The following SLC24A2 variants were observed in gnomAD, a reference collection of about 807,000 sequenced individuals.
SLC24A2 encodes sodium/potassium/calcium exchanger 2.
SLC24A2 carries 36 observed loss-of-function variants against 62.0 expected under a neutral mutation model. The ratio of observed to expected loss-of-function variants is 0.58; its 90% CI spans 0.44 to 0.77. The LOEUF (loss-of-function observed/expected upper bound fraction) is 0.77, where lower values mean the gene tolerates loss of function less well. SLC24A2 is among the 30% of genes least tolerant of loss of function. The pLI, the probability that SLC24A2 is intolerant of heterozygous loss-of-function variation, is 0.00. For missense variants in SLC24A2, 846 were observed against 817.9 expected (o/e 1.03, Z -0.42); for synonymous variants, 358 against 294.0 (o/e 1.22, Z -2.23).
chr9:20,196,053 G>C, the SLC24A2 span, among the ~76,000 whole-genome samples: 1 of 152,054 alleles, frequency 6.6e-6, no homozygotes. Context: ...AATATAATTT[G>C]ATATAAACGT....
intron 2 of SLC24A2, among the ~76,000 whole-genome samples, chr9:19,641,397 C>T (rs377206660): frequency 6.6e-6 from 1 of 152,342 alleles, no homozygotes; most frequent in South Asian, 2.1e-4. Flanking sequence ...ATAAACTTAA[C>T]AAAACCAAAG....
At chr9:19,570,312 TTGG>T (rs1227121980) in intron 7 of SLC24A2, among the ~76,000 whole-genome samples, 1 of 152,230 alleles carries the variant, frequency 6.6e-6, no homozygotes, top group Non-Finnish European at 1.5e-5. Context: ...TGTTGTCATT[TTGG>T]TTATTTCTTC....
chr9:20,088,304 G>A, the SLC24A2 span, among the ~76,000 whole-genome samples: 2 of 152,246 alleles, frequency 1.3e-5, no homozygotes, highest in Admixed American at 6.5e-5. Flanking sequence ...GGAGCTCCCA[G>A]AGGGAGGGGC....
the SLC24A2 span, among the ~76,000 whole-genome samples, chr9:20,110,483 C>G: frequency 6.6e-6 from 1 of 151,694 alleles, no homozygotes; most frequent in Non-Finnish European, 1.5e-5. Context: ...CTTACACTAA[C>G]TTAAGTGATT....
chr9:19,589,208 G>A (rs567764104), intron 5 of SLC24A2, among the ~76,000 whole-genome samples: 41 of 152,298 alleles, frequency 2.7e-4, no homozygotes, highest in Admixed American at 7.2e-4. Context: ...AATCAACAAG[G>A]AATGAAAATA....
the SLC24A2 span, among the ~76,000 whole-genome samples, chr9:19,807,054 A>C: frequency 1.2e-4 from 18 of 152,356 alleles, no homozygotes; most frequent in East Asian, 3.1e-3. Context: ...CATAGGGAGA[A>C]ATGCTAATTT....
At chr9:19,703,280 A>G (rs1238297938) in intron 2 of SLC24A2, among the ~76,000 whole-genome samples, 1 of 152,222 alleles carries the variant, frequency 6.6e-6, no homozygotes. Flanking sequence ...GAGAGATTAC[A>G]TGACTTATTT....
At chr9:19,542,749 C>T (rs529298229) in intron 8 of SLC24A2, among the ~76,000 whole-genome samples, 3 of 152,254 alleles carry the variant, frequency 2.0e-5, no homozygotes, top group African/African-American at 7.2e-5. Context: ...TATTGATTTG[C>T]ATATGTTGAA....
chr9:20,072,529 A>G, the SLC24A2 span, among the ~76,000 whole-genome samples: 1 of 152,220 alleles, frequency 6.6e-6, no homozygotes, highest in East Asian at 1.9e-4. Context: ...TCTATATAAT[A>G]TATTGTGATC....
the SLC24A2 span, among the ~76,000 whole-genome samples, chr9:20,130,347 T>C: frequency 6.6e-6 from 1 of 151,530 alleles, no homozygotes; most frequent in African/African-American, 2.4e-5. Context: ...ATAAAATAGA[T>C]GGCACGATGG....
the SLC24A2 span, among the ~76,000 whole-genome samples, chr9:20,119,916 G>A: frequency 6.0e-3 from 911 of 152,174 alleles, 9 homozygotes; most frequent in East Asian, 0.036. Flanking sequence ...TTAGAGGATC[G>A]GAACAACACA....
the SLC24A2 span, among the ~76,000 whole-genome samples, chr9:19,825,339 G>C: frequency 1.3e-5 from 2 of 152,088 alleles, no homozygotes; most frequent in African/African-American, 4.8e-5. Context: ...AAATAATTTA[G>C]TAAGTGCTCA....
At chr9:20,061,348 A>G in the SLC24A2 span, among the ~76,000 whole-genome samples, 5 of 151,868 alleles carry the variant, frequency 3.3e-5, no homozygotes, top group African/African-American at 1.2e-4. Context: ...GCAGTGGTGC[A>G]TGATCTTGGC....
At chr9:20,197,625 T>A in the SLC24A2 span, among the ~76,000 whole-genome samples, 2 of 151,756 alleles carry the variant, frequency 1.3e-5, no homozygotes, top group East Asian at 3.9e-4. Context: ...AGAGACAGGG[T>A]TTTACCGTGT....
the SLC24A2 span, among the ~76,000 whole-genome samples, chr9:20,227,272 C>T: frequency 2.6e-5 from 4 of 152,138 alleles, no homozygotes; most frequent in East Asian, 7.7e-4. Context: ...CAATGAAAAT[C>T]TTTGATTTGT....
intron 2 of SLC24A2, among the ~76,000 whole-genome samples, chr9:19,634,898 T>G (rs1247566889): frequency 2.0e-5 from 3 of 152,140 alleles, no homozygotes; most frequent in Non-Finnish European, 2.9e-5. Context: ...AAAATAGAGA[T>G]GAAATTGAGA....
the SLC24A2 span, among the ~76,000 whole-genome samples, chr9:20,119,311 T>C: frequency 1.3e-5 from 2 of 151,560 alleles, no homozygotes; most frequent in Non-Finnish European, 2.9e-5. Flanking sequence ...AGGTAACACA[T>C]GTTGCTTTAA....
chr9:20,038,769 A>T, the SLC24A2 span, among the ~76,000 whole-genome samples: 1 of 152,194 alleles, frequency 6.6e-6, no homozygotes, highest in African/African-American at 2.4e-5. Context: ...TTGTTAGATT[A>T]CAGGCCTGAT....
At chr9:19,533,931 T>G (rs1260352433) in intron 8 of SLC24A2, among the ~76,000 whole-genome samples, 4 of 152,226 alleles carry the variant, frequency 2.6e-5, no homozygotes, top group Admixed American at 1.3e-4. Context: ...CCATATATCT[T>G]CCAAACCAAT....
Sources: allele counts gnomAD v4.1 joint callset (sites outside exome capture counted in the v4.1 genomes callset), GRCh38; gene constraint gnomAD v4.1.1; transcripts MANE v1.5; gene names NCBI Gene and HGNC (gene_info 2026-07-23, HGNC 2026-07-21).